SERPINB11: variants seen among roughly 807,000 people sequenced by gnomAD.
The protein encoded by SERPINB11 is serpin family B member 11.
Under a neutral mutation model 36.7 loss-of-function variants are expected in SERPINB11, and 32 were observed. The observed-to-expected ratio is 0.87, with a 90% confidence interval of 0.66 to 1.17. The LOEUF is 1.17. SERPINB11 is among the 50% of genes most tolerant of loss of function. SERPINB11 has a pLI of 0.00. For synonymous variants in SERPINB11, 174 were observed against 168.1 expected (o/e 1.04, Z -0.27); for missense variants, 528 against 458.4 (o/e 1.15, Z -1.39).
At chr18:63,720,434 A>G (rs554201535) in intron 6 of SERPINB11, 10 of 410,730 alleles carry the variant, frequency 2.4e-5, no homozygotes, top group Non-Finnish European at 3.8e-5. Context: ...TTCCATATAT[A>G]CTGTGGTTAT....
intron 1 of SERPINB11, among the ~76,000 whole-genome samples, chr18:63,708,504 C>A (rs180942425): frequency 6.6e-5 from 10 of 151,096 alleles, no homozygotes; most frequent in Middle Eastern, 3.4e-3. Context: ...AGAATAAGAA[C>A]GAGAAAGTAC....
intron 1 of SERPINB11, among the ~76,000 whole-genome samples, chr18:63,707,229 G>T (rs764942340): frequency 1.3e-5 from 2 of 152,222 alleles, no homozygotes; most frequent in East Asian, 1.9e-4. Flanking sequence ...AAAGGGAAGG[G>T]CTGAATGGTG....
intron 1 of SERPINB11, among the ~76,000 whole-genome samples, chr18:63,703,267 C>T (rs1019929339): frequency 1.3e-5 from 2 of 152,130 alleles, no homozygotes; most frequent in Admixed American, 6.5e-5. Context: ...AATGGAACTC[C>T]GTTGATATTT....
At chr18:63,711,418 C>A in intron 3 of SERPINB11, 24 bp downstream of exon 3, 1 of 1,525,134 alleles carries the variant, frequency 6.6e-7, no homozygotes, top group South Asian at 1.1e-5. Flanking sequence ...ACTGAGTTGT[C>A]AAATGCTCTT....
intron 6 of SERPINB11, 21 bp from the exon 7 acceptor site, chr18:63,720,810 T>C (rs186932360): frequency 1.3e-6 from 2 of 1,523,780 alleles, no homozygotes; most frequent in East Asian, 2.5e-5. Flanking sequence ...AAGTATACTA[T>C]AATCTTTTTC....
chr18:63,711,489 C>A (rs963087685), intron 3 of SERPINB11, 95 bp downstream of exon 3: 4 of 913,900 alleles, frequency 4.4e-6, no homozygotes, highest in South Asian at 1.4e-5. Flanking sequence ...CCTTCTTTTG[C>A]CCATGAGGGA....
chr18:63,707,250 A>AT (rs1914395402), intron 1 of SERPINB11, among the ~76,000 whole-genome samples: 1 of 152,218 alleles, frequency 6.6e-6, no homozygotes, highest in South Asian at 2.1e-4. Flanking sequence ...GGCAACCAAC[A>AT]TTTTTTAACA....
chr18:63,713,328 C>G (rs1019048102), intron 4 of SERPINB11, among the ~76,000 whole-genome samples: 19 of 152,188 alleles, frequency 1.2e-4, no homozygotes, highest in African/African-American at 4.6e-4. Context: ...ATTAATTCTA[C>G]AGACTGTGAA....
chr18:63,709,343 G>A (rs1357788645), intron 1 of SERPINB11, among the ~76,000 whole-genome samples: 1 of 152,140 alleles, frequency 6.6e-6, no homozygotes, highest in Non-Finnish European at 1.5e-5. Flanking sequence ...CGGGCATGGT[G>A]GCTCACGCCT....
At chr18:63,712,375 A>G (rs1914548221) in intron 3 of SERPINB11, among the ~76,000 whole-genome samples, 190 bp from the exon 4 acceptor site, 2 of 152,240 alleles carry the variant, frequency 1.3e-5, no homozygotes, top group African/African-American at 4.8e-5. Context: ...ACAGACTGCA[A>G]CTAAAGTTAC....
intron 7 of SERPINB11, 55 bp from the exon 8 acceptor site, chr18:63,722,940 A>T: frequency 6.9e-7 from 1 of 1,448,950 alleles, no homozygotes; most frequent in Non-Finnish European, 9.2e-7. Context: ...TATGATATTT[A>T]ATGTAGAGGT....
chr18:63,719,103 T>C (rs781203020), intron 5 of SERPINB11, among the ~76,000 whole-genome samples: 9 of 152,130 alleles, frequency 5.9e-5, no homozygotes, highest in Admixed American at 1.3e-4. Flanking sequence ...CCTAGAACAG[T>C]GCCCAGCATT....
chr18:63,714,438 G>C (rs1340676215), intron 4 of SERPINB11, among the ~76,000 whole-genome samples: 1 of 152,112 alleles, frequency 6.6e-6, no homozygotes, highest in Non-Finnish European at 1.5e-5. Context: ...AAATTTACTA[G>C]TCAGGAATTT....
At chr18:63,709,946 A>T (rs1914473901) in intron 1 of SERPINB11, among the ~76,000 whole-genome samples, 1 of 152,220 alleles carries the variant, frequency 6.6e-6, no homozygotes, top group East Asian at 1.9e-4. Context: ...AGTAAGATAG[A>T]TTTTAACCAT....
In SERPINB11 at chr18:63,710,176, C is replaced by T. The variant is rs201494278; in HGVS notation, c.-15-3C>T. On this transcript the variant is annotated splice_polypyrimidine_tract_variant and splice_region_variant and intron_variant, in intron 1 of 7. Coordinates refer to ENST00000544088, the MANE Select transcript of SERPINB11 (RefSeq NM_001370475.1). ...CTGAGAATTTTTTCCCTTCTGTTCT[C>T]AGGCAGTCGGCATAAAAATGGGTTC... 4.1e-5 allele frequency: 65 copies of T among 1,596,062 alleles called. No homozygotes were observed. The highest frequency in any genetic ancestry group is 5.3e-5 in the Non-Finnish European group (62 of 1,171,540).
chr18:63,720,013 G>T lies in SERPINB11; in HGVS notation c.476G>T (p.Gly159Val). ...INAWVENKTN[G>V]KVANLFGKST... ...ATAATTATCTTATTTTTTATACAAG[G>T]AAAAGTCGCAAATCTCTTTGGAAAG... is the stretch of plus-strand genomic sequence containing the variant. The change falls in exon 6 of 8, where the codon GGA becomes GTA. Residue 159 changes from glycine to valine, a missense_variant and splice_region_variant. Physicochemically the swap from Gly to Val is moderately radical, Grantham distance 109 (BLOSUM62 -3). Coordinates refer to ENST00000544088, the MANE Select transcript of SERPINB11 (RefSeq NM_001370475.1). 2 of 1,593,028 alleles carry T rather than the reference G, an allele frequency of 1.3e-6. No individual in the cohort carries two copies. The highest frequency in any genetic ancestry group is 1.7e-6 in the Non-Finnish European group (2 of 1,172,084).
At chr18:63,720,618 T>C (rs1260636597) in intron 6 of SERPINB11, 1 of 487,208 alleles carries the variant, frequency 2.1e-6, no homozygotes, top group African/African-American at 2.0e-5. Flanking sequence ...CTATATATTA[T>C]TAGAACAATT....
intron 4 of SERPINB11, 125 bp downstream of exon 4, chr18:63,712,818 C>T: frequency 1.9e-6 from 2 of 1,065,442 alleles, no homozygotes; most frequent in Non-Finnish European, 2.7e-6. Context: ...TTTGTGCTAA[C>T]TTACAGTTTC....
At chr18:63,707,578 G>A (rs1028123050) in intron 1 of SERPINB11, among the ~76,000 whole-genome samples, 1 of 152,128 alleles carries the variant, frequency 6.6e-6, no homozygotes, top group African/African-American at 2.4e-5. Context: ...ATATACCTAG[G>A]TGATGCTTAT....
Sources: allele counts gnomAD v4.1 joint callset (sites outside exome capture counted in the v4.1 genomes callset), GRCh38; gene constraint gnomAD v4.1.1; transcripts MANE v1.5; gene names NCBI Gene and HGNC (gene_info 2026-07-23, HGNC 2026-07-21).